Variants in LRRC74A observed in about 807,000 individuals in gnomAD.
LRRC74A encodes the protein leucine rich repeat containing 74A.
Under a neutral mutation model 57.9 loss-of-function variants are expected in LRRC74A, and 44 were observed. That is an observed-to-expected ratio of 0.76 (90% CI 0.60 to 0.98). The LOEUF (loss-of-function observed/expected upper bound fraction) is 0.98, where lower values mean the gene tolerates loss of function less well. Among genes scored for constraint, LRRC74A ranks in the 50% least tolerant of loss-of-function variants. The pLI, the probability that LRRC74A is intolerant of heterozygous loss-of-function variation, is 0.00. For synonymous variants in LRRC74A, 211 were observed against 219.4 expected (o/e 0.96, Z 0.34); for missense variants, 572 against 574.0 (o/e 1.00, Z 0.04).
chr14:76,836,325 C>G lies in LRRC74A; in HGVS notation c.447+11C>G. The G allele has an allele frequency of 6.3e-7, 1 of 1,575,010 alleles. No individual in the cohort carries two copies. Among genetic ancestry groups the G allele is most frequent in the Non-Finnish European group, 8.7e-7 (1 of 1,147,714 alleles). ...TACCTCCAGGAGATGGTACTGTGCC[C>G]CCCTGTGCTGGCTCTTACCATCATC... On this transcript the variant is annotated intron_variant, in intron 4 of 13. Transcript: ENST00000689127.
In LRRC74A at chr14:76,860,675, C is replaced by A; in HGVS notation, c.1054-18C>A. Reference sequence around the variant, plus strand: ...GCAGTGCCCTCATCATCATGGGTCCCCTCTCTCCCTGTCACAGAACGTGCT... The same window carrying A: ...GCAGTGCCCTCATCATCATGGGTCCACTCTCTCCCTGTCACAGAACGTGCT... On this transcript the variant is annotated intron_variant, in intron 10 of 13. Transcript: ENST00000689127. 1.9e-6 allele frequency: 3 copies of A among 1,594,600 alleles called. No homozygotes were observed. Among genetic ancestry groups the A allele is most frequent in the Non-Finnish European group, 2.6e-6 (3 of 1,168,380 alleles).
chr14:76,838,627 G>C (rs1336572609), intron 5 of LRRC74A, among the ~76,000 whole-genome samples: 3 of 152,166 alleles, frequency 2.0e-5, no homozygotes, highest in Non-Finnish European at 2.9e-5. Flanking sequence ...TAAATGTGCA[G>C]ATACAGGAAT....
At chr14:76,829,979 G>A (rs1025406878) in intron 2 of LRRC74A, among the ~76,000 whole-genome samples, 3 of 152,102 alleles carry the variant, frequency 2.0e-5, no homozygotes, top group Non-Finnish European at 2.9e-5. Flanking sequence ...GGGGACATTG[G>A]GCAAACTAGG....
intron 4 of LRRC74A, 37 bp downstream of exon 4, chr14:76,836,351 C>T (rs1186079539): frequency 8.2e-6 from 12 of 1,470,104 alleles, no homozygotes; most frequent in Admixed American, 1.9e-5. Flanking sequence ...TACCATCATC[C>T]CTGGGGATTC....
chr14:76,865,556 G>A (rs544682893), intron 11 of LRRC74A, among the ~76,000 whole-genome samples: 2 of 152,292 alleles, frequency 1.3e-5, no homozygotes, highest in East Asian at 1.9e-4. Flanking sequence ...GAACATCCGC[G>A]CGCCATCCAC....
At chr14:76,828,764 T>C in intron 2 of LRRC74A, 1 of 447,610 alleles carries the variant, frequency 2.2e-6, no homozygotes, top group Non-Finnish European at 4.5e-6. Flanking sequence ...GAGGTAGGCA[T>C]CTTTGCCAGT....
In LRRC74A at chr14:76,843,068, G is replaced by A. The variant is rs191402969; in HGVS notation, c.545-1355G>A. Among the ~76,000 whole-genome samples the A allele has an allele frequency of 2.0e-3, 306 of 152,200 alleles. 2 individuals are homozygous for A. The highest frequency in any genetic ancestry group is 6.8e-3 in the Middle Eastern group (2 of 294). ...GGAGGCTGAGGTGGGCAGATCACAAGGTCAGGAGTTTGAGACCAGCCTGAC... is the reference window on the plus strand; with the variant it reads ...GGAGGCTGAGGTGGGCAGATCACAAAGTCAGGAGTTTGAGACCAGCCTGAC... On this transcript the variant is annotated intron_variant, in intron 5 of 13. Transcript: ENST00000689127.
At chr14:76,827,900 A>G (rs1895688795) in intron 1 of LRRC74A, among the ~76,000 whole-genome samples, 1 of 150,522 alleles carries the variant, frequency 6.6e-6, no homozygotes. Flanking sequence ...TTTGTGCCTG[A>G]CAATAAGGAA....
chr14:76,835,050 T>C (rs529691309), intron 3 of LRRC74A, among the ~76,000 whole-genome samples: 65 of 152,310 alleles, frequency 4.3e-4, no homozygotes, highest in Non-Finnish European at 7.6e-4. Context: ...GCCTTGAAAA[T>C]GCTCAAATCC....
intron 11 of LRRC74A, among the ~76,000 whole-genome samples, chr14:76,861,271 T>G (rs1898285369): frequency 6.6e-6 from 1 of 152,238 alleles, no homozygotes; most frequent in African/African-American, 2.4e-5. Flanking sequence ...ATGCCTGGTA[T>G]AGAACAAGCA....
intron 11 of LRRC74A, among the ~76,000 whole-genome samples, chr14:76,863,185 A>AGTGTGTGTGTGTGTGTGTGTGTGT (rs112669509): frequency 2.1e-5 from 3 of 145,206 alleles, no homozygotes; most frequent in African/African-American, 7.7e-5. Flanking sequence ...CATGCATGTG[A>AGTGTGTGTGTGTGTGTGTGTGTGT]GTGTGTGTGT....
chr14:76,856,630 G>C (rs1408958236), intron 9 of LRRC74A, among the ~76,000 whole-genome samples: 1 of 151,072 alleles, frequency 6.6e-6, no homozygotes, highest in African/African-American at 2.4e-5. Flanking sequence ...TAGATGAGAT[G>C]GTTGGATAAA....
intron 2 of LRRC74A, chr14:76,828,792 C>A: frequency 2.3e-6 from 1 of 428,536 alleles, no homozygotes; most frequent in South Asian, 1.7e-5. Context: ...AGAAGAGGAA[C>A]TGGGCCTTAA....
chr14:76,828,515 T>C, intron 2 of LRRC74A, 96 bp downstream of exon 2: 1 of 1,576,612 alleles, frequency 6.3e-7, no homozygotes, highest in Non-Finnish European at 8.7e-7. Flanking sequence ...CTTTCCAGAG[T>C]CTGCCCTGCG....
At chr14:76,839,887 C>T (rs1237820911) in intron 5 of LRRC74A, among the ~76,000 whole-genome samples, 2 of 151,976 alleles carry the variant, frequency 1.3e-5, no homozygotes, top group African/African-American at 4.8e-5. Context: ...CCCGCCACCA[C>T]ACCCAGCTAA....
chr14:76,828,959 C>A, intron 2 of LRRC74A: 1 of 1,258,464 alleles, frequency 7.9e-7, no homozygotes, highest in Non-Finnish European at 1.0e-6. Context: ...GACTTTCCCA[C>A]ACTCACCTTA....
intron 2 of LRRC74A, 91 bp downstream of exon 2, chr14:76,828,510 CAG>C (rs750350010): frequency 6.3e-7 from 1 of 1,579,716 alleles, no homozygotes; most frequent in Non-Finnish European, 8.7e-7. Context: ...CACTCCTTTC[CAG>C]AGTCTGCCCT....
At chr14:76,866,746 C>G (rs910491286) in intron 12 of LRRC74A, among the ~76,000 whole-genome samples, 14 of 151,868 alleles carry the variant, frequency 9.2e-5, no homozygotes, top group African/African-American at 3.4e-4. Context: ...CTCCACCTGA[C>G]TCTGATCTCC....
At position 76,827,771 on chromosome 14, in the gene LRRC74A, C is replaced by T. The variant is rs1895676704; in HGVS notation, c.38-520C>T. On this transcript the variant is annotated intron_variant, in intron 1 of 13. Coordinates refer to ENST00000689127, the MANE Select transcript of LRRC74A (RefSeq NM_001385106.1). ...GAAGGAAGAGAAGCTAAGTCAAATTCTTAGGAATCAAGTTCTCTCTCTTGC... is the reference window on the plus strand; with the variant it reads ...GAAGGAAGAGAAGCTAAGTCAAATTTTTAGGAATCAAGTTCTCTCTCTTGC... Among the ~76,000 whole-genome samples the T allele has an allele frequency of 2.0e-5, 3 of 152,168 alleles. No individual in the cohort carries two copies. The South Asian group carries it at 6.2e-4, about 32-fold the overall frequency.
Sources: allele counts gnomAD v4.1 joint callset (sites outside exome capture counted in the v4.1 genomes callset), GRCh38; gene constraint gnomAD v4.1.1; transcripts MANE v1.5; gene names NCBI Gene and HGNC (gene_info 2026-07-23, HGNC 2026-07-21).